TEX2: variants seen among roughly 807,000 people sequenced by gnomAD.
The protein encoded by TEX2 is testis-expressed protein 2.
In TEX2, 53 loss-of-function variants were observed where a neutral mutation model predicts 106.9. The observed-to-expected ratio is 0.50, with a 90% CI of 0.40 to 0.62. TEX2 has a LOEUF of 0.62. Ranked by LOEUF, TEX2 falls within the 20% of genes least tolerant of loss-of-function variation. The pLI, the probability that TEX2 is intolerant of heterozygous loss-of-function variation, is 0.00. For synonymous variants in TEX2, 523 were observed against 534.8 expected, an observed-to-expected ratio of 0.98 and a Z score of 0.30; for missense variants, 1,207 against 1,379.0, an observed-to-expected ratio of 0.88 and a Z score of 1.98.
At chr17:64,150,412 G>A (rs955418320) in intron 11 of TEX2, 1 of 152,500 alleles carries the variant, frequency 6.6e-6, no homozygotes, top group Non-Finnish European at 1.5e-5. Context: ...GCACACAGAA[G>A]GGTTTCCAGG....
In TEX2 at chr17:64,170,622, C is replaced by CTTTTTTTTTTTTTT. The variant is rs71156002; in HGVS notation, c.2671+464_2671+477dup. ...ATGGGAGCTTGGATCTATTCCAAAT[C>CTTTTTTTTTTTTTT]TTTTTTTTTTTTTTTTTTTTTTTTT... On this transcript the variant is annotated intron_variant, in intron 7 of 11. Coordinates refer to ENST00000584379, the MANE Select transcript of TEX2 (RefSeq NM_001288732.2). Among the ~76,000 whole-genome samples the CTTTTTTTTTTTTTT allele has an allele frequency of 2.2e-4, 16 of 73,742 alleles. 2 individuals are homozygous for CTTTTTTTTTTTTTT. The highest frequency in any genetic ancestry group is 6.8e-4 in the Admixed American group (3 of 4,442). The allele number at this position is 73,742 out of a possible 152,430, so 48.4% of individuals were successfully genotyped here.
At chr17:64,160,985 GACTATAAATGACTT>G (rs1567908885) in intron 7 of TEX2, 52 bp from the exon 8 acceptor site, 1 of 1,571,516 alleles carries the variant, frequency 6.4e-7, no homozygotes, top group South Asian at 1.2e-5. Context: ...AAAAACACAT[GACTATAAATGACTT>G]ACATTTAAAA....
chr17:64,242,992 G>A (rs1477088918), intron 1 of TEX2, among the ~76,000 whole-genome samples: 6 of 151,254 alleles, frequency 4.0e-5, no homozygotes, highest in East Asian at 1.9e-4. Flanking sequence ...GCAGTGGCAC[G>A]ATCTCAGCTG....
intron 5 of TEX2, among the ~76,000 whole-genome samples, chr17:64,186,954 C>G (rs1463940759): frequency 2.0e-5 from 3 of 152,158 alleles, no homozygotes; most frequent in Non-Finnish European, 4.4e-5. Flanking sequence ...TCAGAATAAC[C>G]CAGCAAAATA....
chr17:64,247,503 G>C (rs1555636419), intron 1 of TEX2, among the ~76,000 whole-genome samples: 1 of 151,166 alleles, frequency 6.6e-6, no homozygotes. Flanking sequence ...TCTAGGATTT[G>C]AGGGGAGTGG....
At chr17:64,215,885 TG>T (rs1555632599) in intron 1 of TEX2, among the ~76,000 whole-genome samples, 14 of 152,008 alleles carry the variant, frequency 9.2e-5, no homozygotes. Context: ...AATCATAAAA[TG>T]GGTAGGGGAA....
intron 1 of TEX2, among the ~76,000 whole-genome samples, chr17:64,233,160 CCA>C (rs1400588724): frequency 6.6e-6 from 1 of 152,086 alleles, no homozygotes; most frequent in Non-Finnish European, 1.5e-5. Flanking sequence ...ATGTGCACAA[CCA>C]CACACACAAC....
chr17:64,247,287 G>A (rs2143451730), intron 1 of TEX2, among the ~76,000 whole-genome samples: 1 of 150,606 alleles, frequency 6.6e-6, no homozygotes. Flanking sequence ...AAAAGAAAAA[G>A]AAAAGAAAAG....
chr17:64,160,801 C>G lies in TEX2; in HGVS notation c.2804G>C (p.Gly935Ala). The change falls in exon 8 of 12, where the codon GGT (glycine) becomes GCT (alanine). Residue 935 changes from glycine to alanine, a missense_variant and splice_region_variant. Gly to Ala is a moderately conservative substitution (Grantham distance 60, BLOSUM62 0). Coordinates refer to ENST00000584379, the MANE Select transcript of TEX2 (RefSeq NM_001288732.2). ...AGTAAATTCATATATAGCCCCTTAC[C>G]CTTCTTTGCCAATTTCTCCAACCTT... is the stretch of plus-strand genomic sequence containing the variant. ...ALKVGEIGKE[G>A]CRPRAFCLAD... The G allele has an allele frequency of 1.9e-6, 3 of 1,613,916 alleles. No individual in the cohort carries two copies. The highest frequency in any genetic ancestry group is 2.5e-6 in the Non-Finnish European group (3 of 1,179,964).
chr17:64,251,671 G>GGCTT lies in TEX2; in HGVS notation c.-26+11496_-26+11497insAAGC, dbSNP rs537111841. ...AGGCTCCCCCACTCATCTGGAAGTA[G>GGCTT]CCCTCAGGAAGAGAGAGAAGGGGGA... On this transcript the variant is annotated intron_variant, in intron 1 of 11. Transcript: ENST00000584379. Among the ~76,000 whole-genome samples, 17 of 152,328 alleles carry GGCTT rather than the reference G, an allele frequency of 1.1e-4. No homozygotes were observed. The South Asian group carries it at 3.5e-3, about 32-fold the overall frequency.
At chr17:64,181,483 A>T (rs1406815940) in intron 5 of TEX2, among the ~76,000 whole-genome samples, 4 of 150,124 alleles carry the variant, frequency 2.7e-5, no homozygotes, top group Non-Finnish European at 4.4e-5. Flanking sequence ...AAAAAAAAAA[A>T]AAAAAAAAAA....
chr17:64,228,802 C>T (rs781930275), intron 1 of TEX2, among the ~76,000 whole-genome samples: 3 of 152,058 alleles, frequency 2.0e-5, no homozygotes, highest in South Asian at 2.1e-4. Context: ...AAAGGTAGTG[C>T]GCACAAATAA....
chr17:64,221,613 A>G (rs1365578378), intron 1 of TEX2, among the ~76,000 whole-genome samples: 1 of 152,230 alleles, frequency 6.6e-6, no homozygotes, highest in Non-Finnish European at 1.5e-5. Flanking sequence ...AAATGGCGCA[A>G]CTGGTATGGA....
chr17:64,180,567 C>G (rs1002325594), intron 5 of TEX2, among the ~76,000 whole-genome samples: 3 of 152,188 alleles, frequency 2.0e-5, no homozygotes, highest in Non-Finnish European at 4.4e-5. Flanking sequence ...CAACGAATGT[C>G]ATAAAAATTT....
At chr17:64,172,112 T>C (rs2031431434) in intron 6 of TEX2, among the ~76,000 whole-genome samples, 1 of 152,046 alleles carries the variant, frequency 6.6e-6, no homozygotes, top group Non-Finnish European at 1.5e-5. Flanking sequence ...CCCAGCACTT[T>C]GGGAGGCCGA....
At chr17:64,172,352 C>CA (rs11419588) in intron 6 of TEX2, among the ~76,000 whole-genome samples, 94,765 of 131,704 alleles carry the variant, frequency 0.72, 33,589 homozygotes, top group East Asian at 0.81. Context: ...GAATCCGTCT[C>CA]AAAAAAAAAA....
intron 4 of TEX2, among the ~76,000 whole-genome samples, chr17:64,188,677 G>A (rs1212170816): frequency 5.9e-5 from 9 of 152,064 alleles, no homozygotes; most frequent in East Asian, 1.9e-4. Flanking sequence ...TTAGCCGGGC[G>A]TGGTGGTGGG....
chr17:64,226,298 A>G (rs1465390730), intron 1 of TEX2, among the ~76,000 whole-genome samples: 3 of 152,098 alleles, frequency 2.0e-5, no homozygotes, highest in African/African-American at 7.2e-5. Context: ...CATTCCTTAA[A>G]TTCTCAAGCT....
rs2143135955 is a variant in TEX2 at position 64,217,012 on chromosome 17, T to G, written c.-25-2770A>C. 6.6e-6 allele frequency among the ~76,000 whole-genome samples: 1 copy of G among 152,310 alleles called. No homozygotes were observed. Among genetic ancestry groups the G allele is most frequent in the African/African-American group, 2.4e-5 (1 of 41,556 alleles). On this transcript the variant is annotated intron_variant, in intron 1 of 11. Coordinates refer to ENST00000584379, the MANE Select transcript of TEX2 (RefSeq NM_001288732.2). The surrounding 1 kb of genome is among the most constrained non-coding windows in gnomAD (Gnocchi z 4.3). Reference sequence around the variant, plus strand: ...CAAAGCCTGGTTCCACTTCTCTAGATTTTTACTAAAATAAGCCACACGAGG... The same window carrying G: ...CAAAGCCTGGTTCCACTTCTCTAGAGTTTTACTAAAATAAGCCACACGAGG...
Sources: gnomAD v4.1 joint callset for allele counts (sites outside exome capture counted in the v4.1 genomes callset) on GRCh38, gnomAD v4.1.1 for gene constraint, Gnocchi (gnomAD v3.1) non-coding constraint, MANE v1.5 for transcripts, NCBI Gene and HGNC (gene_info 2026-07-23, HGNC 2026-07-21) for gene names.